The following SLC35F4 variants were observed in gnomAD, a reference collection of about 807,000 sequenced individuals.
SLC35F4 encodes the protein chromosome 14 open reading frame 36.
A neutral mutation model predicts 44.2 loss-of-function variants in SLC35F4; 24 were observed. The ratio of observed to expected loss-of-function variants is 0.54; its 90% CI spans 0.39 to 0.76. SLC35F4 has a LOEUF of 0.76. Among genes scored for constraint, SLC35F4 ranks in the 30% least tolerant of loss-of-function variants. SLC35F4 has a pLI of 0.00. For missense variants in SLC35F4, 562 were observed against 586.1 expected (o/e 0.96, Z 0.42); for synonymous variants, 238 against 223.6 (o/e 1.06, Z -0.57).
rs34360062 is a variant in SLC35F4 at position 57,716,295 on chromosome 14, C to CTT, written c.104-122173_104-122172dup. On this transcript the variant is annotated intron_variant, in intron 1 of 7. Transcript: ENST00000556826. The stretch of plus-strand genomic sequence containing the variant: ...GGTACCAGGTAATTTCTCATTTTCA[C>CTT]TTTTTTTTTTTCTGTCTTTTGTAAT... 1.6e-3 allele frequency among the ~76,000 whole-genome samples: 241 copies of CTT among 149,254 alleles called. 1 individual carries two copies. The highest frequency in any genetic ancestry group is 2.2e-3 in the Non-Finnish European group (145 of 67,258).
chr14:57,828,262 A>G (rs919769344), intron 1 of SLC35F4, among the ~76,000 whole-genome samples: 1 of 152,184 alleles, frequency 6.6e-6, no homozygotes, highest in Non-Finnish European at 1.5e-5. Context: ...GGTCTGGGAA[A>G]GCGATGAGGA....
intron 1 of SLC35F4, among the ~76,000 whole-genome samples, chr14:57,912,516 G>A (rs2141052252): frequency 6.6e-6 from 1 of 152,002 alleles, no homozygotes; most frequent in East Asian, 1.9e-4. Context: ...TTGAGATTTT[G>A]CCTTTGACCC....
At chr14:57,596,680 T>C (rs1442121301) in intron 1 of SLC35F4, 1 of 793,530 alleles carries the variant, frequency 1.3e-6, no homozygotes, top group Admixed American at 1.9e-5. Flanking sequence ...ATATTGTCCA[T>C]AGTTACCTAA....
chr14:57,928,011 G>A (rs1161906967), intron 1 of SLC35F4, among the ~76,000 whole-genome samples: 1 of 151,498 alleles, frequency 6.6e-6, no homozygotes, highest in Non-Finnish European at 1.5e-5. Flanking sequence ...GTGATGAAAG[G>A]AAAGTTTTAG....
chr14:57,785,197 G>T (rs1044181462), intron 1 of SLC35F4, among the ~76,000 whole-genome samples: 1 of 152,030 alleles, frequency 6.6e-6, no homozygotes, highest in African/African-American at 2.4e-5. Context: ...ATTAAGCCTC[G>T]GTTACCTGAA....
chr14:57,955,271 T>C (rs962339237), intron 1 of SLC35F4, among the ~76,000 whole-genome samples: 1 of 152,128 alleles, frequency 6.6e-6, no homozygotes. Flanking sequence ...CTCAATAAAC[T>C]AGGTATTGAT....
At chr14:57,943,651 A>G (rs1889955451) in intron 1 of SLC35F4, among the ~76,000 whole-genome samples, 1 of 152,180 alleles carries the variant, frequency 6.6e-6, no homozygotes, top group Non-Finnish European at 1.5e-5. Flanking sequence ...CACACAACCC[A>G]GAGGTAGACT....
At position 57,865,989 on chromosome 14, in the gene SLC35F4, AGCGGCGGCG is replaced by A. The variant is rs572660364; in HGVS notation, c.-173_-165del. ...CGGCGCAGCACCGGCTCCGCATCAC[AGCGGCGGCG>A]GCGGCGGCGGCGGCGGAGCGGCCCC... is the stretch of plus-strand genomic sequence containing the variant. On this transcript the variant is annotated 5_prime_UTR_variant, in exon 1 of 8. Transcript: ENST00000556826. The A allele has an allele frequency of 8.6e-5, 32 of 373,314 alleles. No individual in the cohort carries two copies. In the East Asian group the frequency reaches 1.5e-3, roughly 18 times the overall value. 23.1% of individuals were successfully genotyped at this position (373,314 alleles called of 1,614,324 possible). A position where few individuals can be genotyped will look rare whatever the true frequency, so the allele number is the denominator to read the frequency against.
At chr14:57,926,421 G>T (rs1392067172) in intron 1 of SLC35F4, among the ~76,000 whole-genome samples, 2 of 152,048 alleles carry the variant, frequency 1.3e-5, no homozygotes, top group African/African-American at 4.8e-5. Context: ...ACACAGTCAC[G>T]CAAACACATT....
chr14:57,932,764 G>C (rs1171469144), intron 1 of SLC35F4, among the ~76,000 whole-genome samples: 1 of 152,078 alleles, frequency 6.6e-6, no homozygotes, highest in Admixed American at 6.5e-5. Flanking sequence ...CAGGAAAATT[G>C]CTTGAATCCA....
chr14:57,577,058 G>A (rs1282363411), intron 4 of SLC35F4, among the ~76,000 whole-genome samples: 3 of 152,158 alleles, frequency 2.0e-5, no homozygotes. Context: ...CAGGAAGCAT[G>A]GAAGCTCTGG....
intron 1 of SLC35F4, among the ~76,000 whole-genome samples, chr14:57,742,305 C>CAGTG (rs1178644029): frequency 6.6e-6 from 1 of 152,190 alleles, no homozygotes; most frequent in African/African-American, 2.4e-5. Context: ...CAAGACCCAT[C>CAGTG]AGTGTGCTGT....
chr14:57,866,230 G>GT (rs1888150080), upstream of SLC35F4, among the ~76,000 whole-genome samples: 1 of 152,206 alleles, frequency 6.6e-6, no homozygotes, highest in Admixed American at 6.5e-5. Context: ...TGAAAGGGAT[G>GT]TTTGGTCAGT....
intron 1 of SLC35F4, among the ~76,000 whole-genome samples, chr14:57,704,928 C>T (rs1041989008): frequency 6.6e-6 from 1 of 152,144 alleles, no homozygotes; most frequent in Non-Finnish European, 1.5e-5. Flanking sequence ...CAGAAGTGCT[C>T]CTGAGTCAGT....
At chr14:57,783,573 A>C (rs1379167399) in intron 1 of SLC35F4, among the ~76,000 whole-genome samples, 1 of 152,194 alleles carries the variant, frequency 6.6e-6, no homozygotes, top group Non-Finnish European at 1.5e-5. Context: ...GGGAAAATAC[A>C]AACACCCAGC....
chr14:57,977,207 A>C (rs1369081838), intron 1 of SLC35F4, among the ~76,000 whole-genome samples: 1 of 152,194 alleles, frequency 6.6e-6, no homozygotes, highest in Non-Finnish European at 1.5e-5. Flanking sequence ...TGAGTGCTCT[A>C]ATTTATATAA....
chr14:57,941,192 C>T (rs1241579324), intron 1 of SLC35F4, among the ~76,000 whole-genome samples: 1 of 152,108 alleles, frequency 6.6e-6, no homozygotes, highest in Non-Finnish European at 1.5e-5. Flanking sequence ...CTTAGATACA[C>T]ACACAAAAGA....
chr14:57,822,878 C>T (rs1883321903), intron 1 of SLC35F4, among the ~76,000 whole-genome samples: 1 of 152,094 alleles, frequency 6.6e-6, no homozygotes, highest in South Asian at 2.1e-4. Flanking sequence ...GTGCTAGCAC[C>T]TGGGGTGTCC....
rs187663066 is a variant in SLC35F4, at chr14:57,587,179, G to A, written c.587+2037C>T. On this transcript the variant is annotated intron_variant, in intron 3 of 7. Coordinates refer to ENST00000556826, the MANE Select transcript of SLC35F4 (RefSeq NM_001306087.2). ...ATGCTTCTACACTGTTGGTGGGCGT[G>A]TAAATTAGTTCAACCATTGTGGAAG... Among the ~76,000 whole-genome samples, 7 of 152,316 alleles carry A rather than the reference G, an allele frequency of 4.6e-5. No individual in the cohort carries two copies. The East Asian group carries it at 1.3e-3, about 29-fold the overall frequency.
Sources: gnomAD v4.1 joint callset for allele counts (sites outside exome capture counted in the v4.1 genomes callset) on GRCh38, gnomAD v4.1.1 for gene constraint, MANE v1.5 for transcripts, NCBI Gene and HGNC (gene_info 2026-07-23, HGNC 2026-07-21) for gene names.